CAGE1: variants seen among roughly 807,000 people sequenced by gnomAD.
CAGE1 encodes the protein cancer-associated gene 1 protein.
Under a neutral mutation model 94.9 loss-of-function variants are expected in CAGE1, and 66 were observed. The observed-to-expected ratio is 0.70, with a 90% CI of 0.57 to 0.85. CAGE1 has a LOEUF of 0.85. CAGE1 is among the 40% of genes least tolerant of loss of function. CAGE1 has a pLI of 0.00. For synonymous variants in CAGE1, 319 were observed against 321.0 expected (o/e 0.99, Z 0.07); for missense variants, 865 against 950.4 (o/e 0.91, Z 1.18).
rs1425635987 is a variant in CAGE1, at chr6:7,373,364, C to A, written c.1455G>T (p.Leu485Phe). 1.8e-5 allele frequency: 29 copies of A among 1,613,512 alleles called. No individual in the cohort carries two copies. The highest frequency in any genetic ancestry group is 2.5e-5 in the Non-Finnish European group (29 of 1,179,776). ...GTTTCTGGAATTCCTCCTGTAAAGACAAGAACTCTTGTTCTTGGGCCTCTT... is the reference window on the plus strand; with the variant it reads ...GTTTCTGGAATTCCTCCTGTAAAGAAAAGAACTCTTGTTCTTGGGCCTCTT... ...REKEAQEQEF[L>F]SLQEEFQKLE... Residue 485 changes from leucine to phenylalanine, a missense_variant, in exon 5 of 14, where the codon TTG becomes TTT. By Grantham distance (22) the Leu-to-Phe change is conservative (BLOSUM62 0). Transcript: ENST00000502583.
At chr6:7,375,893 TGA>T (rs1198061822) in intron 4 of CAGE1, among the ~76,000 whole-genome samples, 1 of 152,206 alleles carries the variant, frequency 6.6e-6, no homozygotes, top group Non-Finnish European at 1.5e-5. Flanking sequence ...CTATCATTAC[TGA>T]GACCTACAAG....
chr6:7,360,060 T>C (rs1490203285), intron 9 of CAGE1, among the ~76,000 whole-genome samples: 1 of 152,178 alleles, frequency 6.6e-6, no homozygotes, highest in East Asian at 1.9e-4. Flanking sequence ...TCTCTTCATC[T>C]TCAGAGCCAG....
At chr6:7,345,124 G>A (rs988515110) in intron 11 of CAGE1, among the ~76,000 whole-genome samples, 8 of 148,940 alleles carry the variant, frequency 5.4e-5, no homozygotes, top group Middle Eastern at 3.4e-3. Context: ...TTGCTCTTTA[G>A]ATCCATATTG....
chr6:7,344,911 G>A (rs1759370940), intron 11 of CAGE1, among the ~76,000 whole-genome samples: 1 of 152,196 alleles, frequency 6.6e-6, no homozygotes, highest in Non-Finnish European at 1.5e-5. Context: ...GGGACGTGCA[G>A]AACCTTTGCG....
At chr6:7,368,652 AT>A in intron 7 of CAGE1, 35 bp downstream of exon 7, 1 of 1,113,836 alleles carries the variant, frequency 9.0e-7, no homozygotes, top group Non-Finnish European at 1.3e-6. Context: ...TTCACTAAAA[AT>A]AATAAAATTT....
intron 4 of CAGE1, among the ~76,000 whole-genome samples, chr6:7,375,491 C>T (rs1251137535): frequency 6.6e-6 from 1 of 152,174 alleles, no homozygotes; most frequent in African/African-American, 2.4e-5. Context: ...AATCCCAACA[C>T]TTTGGGAGCC....
chr6:7,333,642 CTATATATATA>C lies in CAGE1; in HGVS notation c.2438+370_2438+379del, dbSNP rs773887819. On this transcript the variant is annotated intron_variant, in intron 12 of 13. Transcript: ENST00000502583. ...ATTATCTAACTATCTATCTAACTATCTATATATATATATATATATATATATATATATACAT... is the reference window on the plus strand; with the variant it reads ...ATTATCTAACTATCTATCTAACTATCTATATATATATATATATATATACAT... Among the ~76,000 whole-genome samples the C allele has an allele frequency of 5.8e-3, 710 of 121,500 alleles. 17 individuals carry two copies. Among genetic ancestry groups the C allele is most frequent in the African/African-American group, 0.016 (514 of 32,380 alleles). 79.7% of individuals were successfully genotyped at this position (121,500 alleles called of 152,430 possible).
intron 9 of CAGE1, among the ~76,000 whole-genome samples, chr6:7,357,415 T>C (rs771447793): frequency 2.6e-5 from 4 of 152,184 alleles, no homozygotes; most frequent in Non-Finnish European, 4.4e-5. Flanking sequence ...TTCATGACAC[T>C]TGACTGAAGC....
At position 7,356,663 on chromosome 6, in the gene CAGE1, G is replaced by A. The variant is rs763222867; in HGVS notation, c.2194-534C>T. On this transcript the variant is annotated intron_variant, in intron 9 of 13. Transcript: ENST00000502583. Reference sequence around the variant, plus strand: ...AGCCATTAAAAATGAAAAATTATGTGACATCTGAAATTAATTATCAGGAAA... The same window carrying A: ...AGCCATTAAAAATGAAAAATTATGTAACATCTGAAATTAATTATCAGGAAA... Among the ~76,000 whole-genome samples the A allele has an allele frequency of 6.9e-4, 105 of 152,062 alleles. 1 individual carries two copies. Among genetic ancestry groups the A allele is most frequent in the Non-Finnish European group, 8.1e-4 (55 of 68,014 alleles).
intron 3 of CAGE1, among the ~76,000 whole-genome samples, chr6:7,380,094 G>A (rs548300791): frequency 6.6e-6 from 1 of 151,996 alleles, no homozygotes; most frequent in Non-Finnish European, 1.5e-5. Context: ...ATTTTCATAC[G>A]GGACTTGCTT....
rs186600090 is a variant in CAGE1 at position 7,335,956 on chromosome 6, A to T, written c.2370-1866T>A. Among the ~76,000 whole-genome samples the T allele has an allele frequency of 3.6e-3, 538 of 148,400 alleles. 3 individuals carry two copies. The highest frequency in any genetic ancestry group is 0.012 in the African/African-American group (473 of 38,050). On this transcript the variant is annotated intron_variant, in intron 11 of 13. Transcript: ENST00000502583. The stretch of plus-strand genomic sequence containing the variant: ...CCTTTTCAATTCTGGCAATTAATTT[A>T]AAAAAAATGTGTTAAATATTATATG...
intron 9 of CAGE1, among the ~76,000 whole-genome samples, chr6:7,358,303 T>C (rs548937000): frequency 6.6e-6 from 1 of 152,026 alleles, no homozygotes; most frequent in South Asian, 2.1e-4. Flanking sequence ...TCTTTTTTTG[T>C]CTAGTTCTTT....
At chr6:7,358,027 G>GATAGATATATATATATATAT (rs1554138205) in intron 9 of CAGE1, among the ~76,000 whole-genome samples, 2 of 48,070 alleles carry the variant, frequency 4.2e-5, no homozygotes. Flanking sequence ...TAAGTTTTGA[G>GATAGATATATATATATATAT]ATATATATAT....
chr6:7,343,584 T>C (rs1185753479), intron 11 of CAGE1, among the ~76,000 whole-genome samples: 1 of 152,214 alleles, frequency 6.6e-6, no homozygotes, highest in East Asian at 1.9e-4. Context: ...TTGTCATTTA[T>C]GAATTCAGTG....
chr6:7,389,318 G>C lies in CAGE1; in HGVS notation c.-140C>G, dbSNP rs1202747285. 1 of 456,128 alleles carries C rather than the reference G, an allele frequency of 2.2e-6. No homozygotes were observed. The highest frequency in any genetic ancestry group is 4.4e-6 in the Non-Finnish European group (1 of 226,972). The allele number at this position is 456,128 out of a possible 1,614,324, so 28.3% of individuals were successfully genotyped here. On this transcript the variant is annotated 5_prime_UTR_variant, in exon 1 of 14. Transcript: ENST00000502583. ...CATAGTTTCTTGGACCCACGCTACGGACCTGGCTCTCCCTCCCTCTGCACC... is the reference window on the plus strand; with the variant it reads ...CATAGTTTCTTGGACCCACGCTACGCACCTGGCTCTCCCTCCCTCTGCACC...
At chr6:7,353,143 T>A (rs1011193581) in intron 11 of CAGE1, among the ~76,000 whole-genome samples, 13 of 152,060 alleles carry the variant, frequency 8.5e-5, no homozygotes, top group Non-Finnish European at 1.5e-4. Flanking sequence ...ACTCTATACA[T>A]CTGACAAAGG....
chr6:7,371,988 A>C (rs1276728818), intron 5 of CAGE1, among the ~76,000 whole-genome samples: 5 of 152,098 alleles, frequency 3.3e-5, no homozygotes, highest in African/African-American at 1.2e-4. Flanking sequence ...CTGCCAAAAA[A>C]GCCTTTTGAA....
rs70978961 is a variant in CAGE1 at position 7,367,278 on chromosome 6, A to ATTTTTTTTTTTTTTTTTTTTTTTTTTTTT, written c.2005-1395_2005-1394insAAAAAAAAAAAAAAAAAAAAAAAAAAAAA. On this transcript the variant is annotated intron_variant, in intron 7 of 13. Transcript: ENST00000502583. ...AATATCTGAAAGAAATATTTGGGGG[A>ATTTTTTTTTTTTTTTTTTTTTTTTTTTTT]TTTTTTTTTTTTTTTTGCTTTTTGT... Among the ~76,000 whole-genome samples, 47 of 111,186 alleles carry ATTTTTTTTTTTTTTTTTTTTTTTTTTTTT rather than the reference A, an allele frequency of 4.2e-4. 1 individual carries two copies. The highest frequency in any genetic ancestry group is 4.9e-4 in the Admixed American group (5 of 10,230). The allele number at this position is 111,186 out of a possible 152,430, so 72.9% of individuals were successfully genotyped here.
chr6:7,381,374 CA>C (rs1218265563), intron 3 of CAGE1, among the ~76,000 whole-genome samples: 2 of 152,192 alleles, frequency 1.3e-5, no homozygotes, highest in African/African-American at 4.8e-5. Flanking sequence ...AGGGAGGCTT[CA>C]GTAGAAAGCA....
Sources: allele counts gnomAD v4.1 joint callset (sites outside exome capture counted in the v4.1 genomes callset), GRCh38; gene constraint gnomAD v4.1.1; transcripts MANE v1.5; gene names NCBI Gene and HGNC (gene_info 2026-07-23, HGNC 2026-07-21).